The following UBAP1L variants were observed in gnomAD, a reference collection of about 807,000 sequenced individuals.
The protein encoded by UBAP1L is ubiquitin-associated protein 1-like.
A neutral mutation model predicts 32.1 loss-of-function variants in UBAP1L; 32 were observed. The observed-to-expected ratio is 1.00, with a 90% CI of 0.75 to 1.34. The LOEUF (loss-of-function observed/expected upper bound fraction) is 1.34, where lower values mean the gene tolerates loss of function less well. Ranked by LOEUF, UBAP1L falls within the 40% of genes most tolerant of loss-of-function variation. UBAP1L has a pLI of 0.00. For synonymous variants in UBAP1L, 243 were observed against 250.2 expected, an observed-to-expected ratio of 0.97 and a Z score of 0.27; for missense variants, 516 against 540.5, an observed-to-expected ratio of 0.95 and a Z score of 0.45.
chr15:65,105,604 T>C (rs1008197046), intron 2 of UBAP1L: 2 of 628,040 alleles, frequency 3.2e-6, no homozygotes, highest in African/African-American at 3.6e-5. Flanking sequence ...AATTTTCGTG[T>C]TCACTTTAAG....
intron 2 of UBAP1L, 126 bp downstream of exon 2, chr15:65,105,970 T>C (rs2087305196): frequency 7.4e-7 from 1 of 1,357,826 alleles, no homozygotes; most frequent in Admixed American, 2.4e-5. Context: ...TTTTGTATTG[T>C]TAGTAGATAC....
Position 65,099,520 on chromosome 15 carries a change from C to G in UBAP1L, c.894G>C (p.Arg298Ser). Residue 298 changes from arginine to serine, a missense_variant, in exon 4 of 6, where the codon AGG becomes AGC. By Grantham distance (110) the Arg-to-Ser change is moderately radical. Coordinates refer to ENST00000559089, the MANE Select transcript of UBAP1L (RefSeq NM_001163692.2). Reference sequence around the variant, plus strand: ...CCCAACTCACCTGGCTCAGGCTCTGCCTCCCTGTCTTCTGCAGAGCTATGA... The same window carrying G: ...CCCAACTCACCTGGCTCAGGCTCTGGCTCCCTGTCTTCTGCAGAGCTATGA... ...RAIIALQKTGRQSLSQFLSYL... is the reference protein window; with the variant it reads ...RAIIALQKTGSQSLSQFLSYL... The G allele has an allele frequency of 6.4e-7, 1 of 1,550,468 alleles. No homozygotes were observed. The highest frequency in any genetic ancestry group is 2.4e-5 in the East Asian group (1 of 40,916).
intron 5 of UBAP1L, 87 bp from the exon 6 acceptor site, chr15:65,093,318 A>T: frequency 7.1e-7 from 1 of 1,418,008 alleles, no homozygotes; most frequent in Non-Finnish European, 9.2e-7. Flanking sequence ...TGCCTACTGC[A>T]CCTAGTCCCA....
At position 65,093,536 on chromosome 15, in the gene UBAP1L, G is replaced by A. The variant is rs534786469; in HGVS notation, c.1012-305C>T. On this transcript the variant is annotated intron_variant, in intron 5 of 5. Transcript: ENST00000559089. ...TGCTGGGGCAGGAGGGGGGCAGACCGTACACCTGCACCTGGAGCACAAACA... is the reference window on the plus strand; with the variant it reads ...TGCTGGGGCAGGAGGGGGGCAGACCATACACCTGCACCTGGAGCACAAACA... 2.2e-4 allele frequency among the ~76,000 whole-genome samples: 33 copies of A among 152,300 alleles called. No individual in the cohort carries two copies. The South Asian group carries it at 3.1e-3, about 14-fold the overall frequency.
chr15:65,107,208 C>G (rs1042531047), intron 1 of UBAP1L, among the ~76,000 whole-genome samples: 1 of 151,722 alleles, frequency 6.6e-6, no homozygotes, highest in Non-Finnish European at 1.5e-5. Flanking sequence ...AATACCCATA[C>G]CCTTTCAGCA....
At chr15:65,105,010 G>GAAA (rs1215816581) in intron 2 of UBAP1L, 15 of 173,302 alleles carry the variant, frequency 8.7e-5, no homozygotes, top group African/African-American at 1.3e-4. Context: ...TGTCTCAAAT[G>GAAA]AAAAAAAAAA....
rs1290966470 is a variant in UBAP1L, at chr15:65,099,418, T to C, written c.909+87A>G. On this transcript the variant is annotated intron_variant, in intron 4 of 5. Coordinates refer to ENST00000559089, the MANE Select transcript of UBAP1L (RefSeq NM_001163692.2). ...GGTTGGCTGATGCTGTTGTTGGGCC[T>C]ATGTCACAGCTCAAAAGGTGAAAAT... The C allele has an allele frequency of 5.8e-6, 8 of 1,389,128 alleles. No homozygotes were observed. In the Admixed American group the frequency reaches 1.2e-4, roughly 21 times the overall value. The allele number at this position is 1,389,128 out of a possible 1,614,324, so 86.1% of individuals were successfully genotyped here.
chr15:65,102,340 C>T lies in UBAP1L; in HGVS notation c.465G>A (p.Leu155=). ...CGGAGAGCCGCCGCCGCGCCCCTGC[C>T]AGCTCCAACCGCACGCCGCGTAGCA... ...LDVLRGVRLE[L]AGARRRLSEG... is the part of the protein sequence containing the mutation. The change falls in exon 3 of 6, where the codon CTG becomes CTA. Residue 155 remains leucine (L), a synonymous_variant. Coordinates refer to ENST00000559089, the MANE Select transcript of UBAP1L (RefSeq NM_001163692.2). The surrounding 1 kb of genome is among the most constrained non-coding windows in gnomAD (Gnocchi z 5.0). 2 of 1,464,892 alleles carry T rather than the reference C, an allele frequency of 1.4e-6. No individual in the cohort carries two copies. 90.7% of individuals were successfully genotyped at this position (1,464,892 alleles called of 1,614,324 possible).
At chr15:65,107,739 CAAAAAAAAAA>C (rs56359277) in intron 1 of UBAP1L, among the ~76,000 whole-genome samples, 2 of 94,770 alleles carry the variant, frequency 2.1e-5, no homozygotes, top group East Asian at 3.2e-4. Context: ...AACGCTGTCT[CAAAAAAAAAA>C]AAAAAAAAAA....
In UBAP1L at chr15:65,102,783, C is replaced by CT. The variant is rs2087260381; in HGVS notation, c.121-100dup. On this transcript the variant is annotated intron_variant, in intron 2 of 5. Transcript: ENST00000559089. This position sits in a 1 kb window ranked among gnomAD's most constrained non-coding sequence, Gnocchi z 5.0. ...GGGACCCTGTTCAGCCAGAGACTCTCTAAGCCTGGACAGCGTCAGATTCTG... is the reference window on the plus strand; with the variant it reads ...GGGACCCTGTTCAGCCAGAGACTCTCTTAAGCCTGGACAGCGTCAGATTCTG... 7 of 1,142,180 alleles carry CT rather than the reference C, an allele frequency of 6.1e-6. No homozygotes were observed. The South Asian group carries it at 1.1e-4, about 18-fold the overall frequency. 70.8% of individuals were successfully genotyped at this position (1,142,180 alleles called of 1,614,324 possible). A position where few individuals can be genotyped will look rare whatever the true frequency, so the allele number is the denominator to read the frequency against.
chr15:65,114,336 C>T (rs552411288), intron 1 of UBAP1L, among the ~76,000 whole-genome samples: 1 of 152,238 alleles, frequency 6.6e-6, no homozygotes, highest in Admixed American at 6.5e-5. Flanking sequence ...GAAGAAAAAT[C>T]CTAATTCATA....
Position 65,102,496 on chromosome 15 carries a change from C to G in UBAP1L, c.309G>C (p.Glu103Asp). The G allele has an allele frequency of 1.4e-6, 2 of 1,465,324 alleles. No individual in the cohort carries two copies. Among genetic ancestry groups the G allele is most frequent in the South Asian group, 2.8e-5 (2 of 71,440 alleles). The allele number at this position is 1,465,324 out of a possible 1,614,324, so 90.8% of individuals were successfully genotyped here. The change falls in exon 3 of 6, where the codon GAG becomes GAC. Residue 103 changes from glutamate to aspartate, a missense_variant. By Grantham distance (45) the Glu-to-Asp change is conservative (BLOSUM62 2). Coordinates refer to ENST00000559089, the MANE Select transcript of UBAP1L (RefSeq NM_001163692.2). The surrounding 1 kb of genome is among the most constrained non-coding windows in gnomAD (Gnocchi z 5.0). ...CGTCCTCACCCTCCTCCTCCGGCCT[C>G]TCCTGGTGTCCGGCCTCCGGGTCTC... ...TIRDPEAGHQ[E>D]RPEEEGEDEA... is the part of the protein sequence containing the mutation.
At chr15:65,108,883 G>A (rs2087346338) in intron 1 of UBAP1L, among the ~76,000 whole-genome samples, 1 of 152,062 alleles carries the variant, frequency 6.6e-6, no homozygotes, top group Admixed American at 6.6e-5. Context: ...TCCGCCAGGT[G>A]CAGTGGCTCA....
chr15:65,100,478 G>C (rs2087228460), intron 3 of UBAP1L: 1 of 152,254 alleles, frequency 6.6e-6, no homozygotes, highest in African/African-American at 2.4e-5. Context: ...CTTGAATTTG[G>C]TTGGGCTGGG....
In UBAP1L at chr15:65,094,399, G is replaced by T; in HGVS notation, c.1011+76C>A. ...ACAGACTGGCTCTGAGGACTGGTGT[G>T]GCCCTGCACACCGGGCTCCTGGGTA... is the stretch of plus-strand genomic sequence containing the variant. On this transcript the variant is annotated intron_variant, in intron 5 of 5. Coordinates refer to ENST00000559089, the MANE Select transcript of UBAP1L (RefSeq NM_001163692.2). The surrounding 1 kb of genome is among the most constrained non-coding windows in gnomAD (Gnocchi z 4.2). The T allele has an allele frequency of 1.9e-6, 2 of 1,031,678 alleles. No homozygotes were observed. The highest frequency in any genetic ancestry group is 2.5e-4 in the Middle Eastern group (1 of 3,948). The allele number at this position is 1,031,678 out of a possible 1,614,324, so 63.9% of individuals were successfully genotyped here. A position where few individuals can be genotyped will look rare whatever the true frequency, so the allele number is the denominator to read the frequency against.
intron 1 of UBAP1L, among the ~76,000 whole-genome samples, chr15:65,113,098 C>T (rs779248372): frequency 7.2e-5 from 11 of 152,112 alleles, no homozygotes; most frequent in Non-Finnish European, 1.6e-4. Context: ...TGGCTGGGCA[C>T]GGTGGCTCAT....
Position 65,102,351 on chromosome 15 carries a change from G to A in UBAP1L, c.454C>T (p.Arg152Trp). The part of the protein sequence containing the change: ...LCSLDVLRGV[R>W]LELAGARRRL... Reference sequence around the variant, plus strand: ...CGCCGCGCCCCTGCCAGCTCCAACCGCACGCCGCGTAGCACGTCCAGCGAG... The same window carrying A: ...CGCCGCGCCCCTGCCAGCTCCAACCACACGCCGCGTAGCACGTCCAGCGAG... The change falls in exon 3 of 6, where the codon CGG (arginine) becomes TGG (tryptophan). Residue 152 changes from arginine (R) to tryptophan (W), a missense_variant. Coordinates refer to ENST00000559089, the MANE Select transcript of UBAP1L (RefSeq NM_001163692.2). This position sits in a 1 kb window ranked among gnomAD's most constrained non-coding sequence, Gnocchi z 5.0. 1 of 1,472,030 alleles carries A rather than the reference G, an allele frequency of 6.8e-7. No homozygotes were observed. 91.2% of individuals were successfully genotyped at this position (1,472,030 alleles called of 1,614,324 possible).
intron 1 of UBAP1L, among the ~76,000 whole-genome samples, chr15:65,113,700 A>T (rs1319411565): frequency 6.6e-6 from 1 of 152,116 alleles, no homozygotes; most frequent in African/African-American, 2.4e-5. Context: ...GTGAACCAAG[A>T]TCACGCCACT....
At chr15:65,098,764 CAGA>C (rs1195257688) in intron 4 of UBAP1L, 1 of 152,212 alleles carries the variant, frequency 6.6e-6, no homozygotes, top group East Asian at 1.9e-4. Flanking sequence ...GTGAGATGAG[CAGA>C]AGAACCCCCT....
Sources: allele counts gnomAD v4.1 joint callset (sites outside exome capture counted in the v4.1 genomes callset), GRCh38; gene constraint gnomAD v4.1.1; non-coding constraint Gnocchi (gnomAD v3.1); transcripts MANE v1.5; gene names NCBI Gene and HGNC (gene_info 2026-07-23, HGNC 2026-07-21).